The following BTBD8 variants were observed in gnomAD, a reference collection of about 807,000 sequenced individuals.
The protein encoded by BTBD8 is BTB domain containing 8, also known as BTB/POZ domain-containing protein 8.
Under a neutral mutation model 162.9 loss-of-function variants are expected in BTBD8, and 110 were observed. That is an observed-to-expected ratio of 0.68 (90% CI 0.58 to 0.79). BTBD8 has a LOEUF of 0.79. Among genes scored for constraint, BTBD8 ranks in the 30% least tolerant of loss-of-function variants. BTBD8 has a pLI of 0.00. For synonymous variants in BTBD8, 667 were observed against 716.1 expected (o/e 0.93, Z 1.10); for missense variants, 1,905 against 2,085.4 (o/e 0.91, Z 1.68).
At chr1:92,083,127 C>G (rs2101888739) in intron 1 of BTBD8, among the ~76,000 whole-genome samples, 1 of 148,780 alleles carries the variant, frequency 6.7e-6, no homozygotes, top group South Asian at 2.1e-4. Flanking sequence ...CAGAACAAGA[C>G]TCTGTCTCAA....
chr1:92,089,741 A>G (rs1648249366), intron 2 of BTBD8, among the ~76,000 whole-genome samples: 1 of 152,106 alleles, frequency 6.6e-6, no homozygotes, highest in Admixed American at 6.6e-5. Context: ...TCATCTCTCA[A>G]ATGTCCCACC....
intron 5 of BTBD8, among the ~76,000 whole-genome samples, chr1:92,134,063 A>G (rs1419353115): frequency 6.6e-6 from 1 of 152,122 alleles, no homozygotes; most frequent in Non-Finnish European, 1.5e-5. Flanking sequence ...TTCCTGCTCT[A>G]GCAGACAGAA....
intron 5 of BTBD8, among the ~76,000 whole-genome samples, chr1:92,136,606 C>T (rs1040295775): frequency 1.3e-5 from 2 of 152,176 alleles, no homozygotes; most frequent in Admixed American, 1.3e-4. Flanking sequence ...TGGCACGACC[C>T]TGCCCTTGCA....
At chr1:92,116,318 C>T (rs1276810927) in intron 4 of BTBD8, among the ~76,000 whole-genome samples, 1 of 151,990 alleles carries the variant, frequency 6.6e-6, no homozygotes, top group Admixed American at 6.5e-5. Flanking sequence ...TTCTGTTGTC[C>T]TGTGGTGGAG....
rs377103237 is a variant in BTBD8 at position 92,140,759 on chromosome 1, C to T, written c.834-356C>T. Among the ~76,000 whole-genome samples, 11 of 152,312 alleles carry T rather than the reference C, an allele frequency of 7.2e-5. No individual in the cohort carries two copies. The East Asian group carries it at 7.7e-4, about 11-fold the overall frequency. On this transcript the variant is annotated intron_variant, in intron 6 of 17. Coordinates refer to ENST00000636805, the MANE Select transcript of BTBD8 (RefSeq NM_001376131.1). ...TAGTGAATTGCCTCCCCGCCCCTGC[C>T]AAGAAACTTTTATTATACAAATTTG...
chr1:92,150,030 A>G (rs1027887467), intron 9 of BTBD8, among the ~76,000 whole-genome samples: 1 of 152,196 alleles, frequency 6.6e-6, no homozygotes, highest in African/African-American at 2.4e-5. Flanking sequence ...AGCAGCCCCT[A>G]CAGTTGTGTA....
chr1:92,107,423 A>G (rs751811849), intron 3 of BTBD8, among the ~76,000 whole-genome samples: 7 of 152,156 alleles, frequency 4.6e-5, no homozygotes, highest in African/African-American at 1.7e-4. Flanking sequence ...TACCTTTTCT[A>G]TGCTTACATA....
At chr1:92,163,150 C>T (rs1650305207) in intron 9 of BTBD8, among the ~76,000 whole-genome samples, 1 of 151,530 alleles carries the variant, frequency 6.6e-6, no homozygotes, top group Non-Finnish European at 1.5e-5. Context: ...GTCAGGAGAT[C>T]GAGACCATCC....
chr1:92,099,041 G>A (rs1173365784), intron 2 of BTBD8, among the ~76,000 whole-genome samples: 1 of 152,090 alleles, frequency 6.6e-6, no homozygotes, highest in East Asian at 1.9e-4. Flanking sequence ...TTCCATTTAG[G>A]TCTTTGATCT....
In BTBD8 at chr1:92,181,512, G is replaced by C. The variant is rs765183118; in HGVS notation, c.3829G>C (p.Asp1277His). The change falls in exon 17 of 18, where the codon GAT becomes CAT. Residue 1277 changes from aspartate to histidine, a missense_variant. Physicochemically the swap from Asp to His is moderately conservative, Grantham distance 81. Transcript: ENST00000636805. ...EDYDAGGSQD[D>H]DGSNDRGISK... ...CTATGATGCTGGAGGGTCTCAGGATGATGATGGGTCAAATGACAGAGGTAT... is the reference window on the plus strand; with the variant it reads ...CTATGATGCTGGAGGGTCTCAGGATCATGATGGGTCAAATGACAGAGGTAT... 1.3e-6 allele frequency: 2 copies of C among 1,551,630 alleles called. No individual in the cohort carries two copies. Among genetic ancestry groups the C allele is most frequent in the African/African-American group, 2.7e-5 (2 of 73,044 alleles).
chr1:92,149,943 A>G (rs891571079), intron 9 of BTBD8, among the ~76,000 whole-genome samples: 1 of 152,086 alleles, frequency 6.6e-6, no homozygotes, highest in African/African-American at 2.4e-5. Flanking sequence ...TCTCCCCAAC[A>G]TTACGTCCAT....
At chr1:92,158,568 C>T (rs889420941) in intron 9 of BTBD8, among the ~76,000 whole-genome samples, 1 of 152,074 alleles carries the variant, frequency 6.6e-6, no homozygotes, top group South Asian at 2.1e-4. Flanking sequence ...CGTTAATATA[C>T]TCTTTAGTTA....
intron 4 of BTBD8, chr1:92,126,466 A>G (rs1649363246): frequency 2.3e-6 from 2 of 885,236 alleles, no homozygotes; most frequent in Non-Finnish European, 3.5e-6. Flanking sequence ...CACTGTCTGA[A>G]ATCTGCCTCT....
At position 92,124,795 on chromosome 1, in the gene BTBD8, A is replaced by C. The variant is rs1157965359; in HGVS notation, c.663-4892A>C. Among the ~76,000 whole-genome samples the C allele has an allele frequency of 3.9e-5, 6 of 152,228 alleles. No homozygotes were observed. In the East Asian group the frequency reaches 1.2e-3, roughly 29 times the overall value. On this transcript the variant is annotated intron_variant, in intron 4 of 17. Transcript: ENST00000636805. ...TTTTATTTGAGAAGATAGAATGGTA[A>C]TTCAAAAGAAAATATCTTTCTTGTC...
At chr1:92,134,169 TC>T (rs1649576967) in intron 5 of BTBD8, among the ~76,000 whole-genome samples, 1 of 152,202 alleles carries the variant, frequency 6.6e-6, no homozygotes, top group Non-Finnish European at 1.5e-5. Flanking sequence ...TTAAAAGTCT[TC>T]CAGTGGTGCC....
In BTBD8 at chr1:92,147,287, T is replaced by C. The variant is rs1226350394; in HGVS notation, c.1019+19T>C. On this transcript the variant is annotated intron_variant, in intron 8 of 17. Transcript: ENST00000636805. ...GCATGAAGTAAGTTATGTTAAGTAG[T>C]GCTGATACTATTAATTTAGGGATTT... 5 of 1,555,344 alleles carry C rather than the reference T, an allele frequency of 3.2e-6. No individual in the cohort carries two copies. The highest frequency in any genetic ancestry group is 4.4e-6 in the Non-Finnish European group (5 of 1,136,776).
intron 4 of BTBD8, chr1:92,115,194 G>A (rs1649000656): frequency 5.7e-6 from 3 of 530,390 alleles, no homozygotes; most frequent in African/African-American, 1.9e-5. Context: ...CAGGGATGAT[G>A]TTCTGGAGAG....
chr1:92,164,757 G>A (rs181829449), intron 9 of BTBD8, among the ~76,000 whole-genome samples: 56 of 150,814 alleles, frequency 3.7e-4, no homozygotes, highest in Non-Finnish European at 7.3e-4. Context: ...TGCCTCCCGG[G>A]TTCATGCCAT....
At chr1:92,130,377 T>C (rs1283555741) in intron 5 of BTBD8, among the ~76,000 whole-genome samples, 1 of 152,042 alleles carries the variant, frequency 6.6e-6, no homozygotes, top group Non-Finnish European at 1.5e-5. Context: ...TATTTTTATT[T>C]TTTTGAGATG....
Sources: gnomAD v4.1 joint callset for allele counts (sites outside exome capture counted in the v4.1 genomes callset) on GRCh38, gnomAD v4.1.1 for gene constraint, MANE v1.5 for transcripts, NCBI Gene and HGNC (gene_info 2026-07-23, HGNC 2026-07-21) for gene names.